The following SPATA13 variants were observed in gnomAD, a reference collection of about 807,000 sequenced individuals.
SPATA13 encodes the protein spermatogenesis-associated protein 13.
In SPATA13, 50 loss-of-function variants were observed where a neutral mutation model predicts 104.0. That is an observed-to-expected ratio of 0.48 (90% CI 0.38 to 0.61). The LOEUF (loss-of-function observed/expected upper bound fraction) is 0.61, where lower values mean the gene tolerates loss of function less well. SPATA13 is among the 20% of genes least tolerant of loss of function. The probability of loss-of-function intolerance (pLI) is 0.00; values close to 1 mark genes in which losing one functional copy is unlikely to be tolerated. For missense variants in SPATA13, 1,524 were observed against 1,690.6 expected (o/e 0.90, Z 1.73); for synonymous variants, 606 against 667.5 (o/e 0.91, Z 1.42).
intron 1 of SPATA13, among the ~76,000 whole-genome samples, chr13:24,217,069 C>T (rs1365911171): frequency 1.3e-5 from 2 of 151,666 alleles, no homozygotes; most frequent in Non-Finnish European, 1.5e-5. Flanking sequence ...AACAAACAAA[C>T]AAAAACAAAA....
At chr13:24,295,216 C>T (rs1333301460) in intron 10 of SPATA13, among the ~76,000 whole-genome samples, 1 of 152,012 alleles carries the variant, frequency 6.6e-6, no homozygotes, top group African/African-American at 2.4e-5. Context: ...GAGTCCCTGC[C>T]CACATGTGAA....
intron 2 of SPATA13, among the ~76,000 whole-genome samples, chr13:23,990,825 G>A (rs988564091): frequency 6.6e-6 from 1 of 152,210 alleles, no homozygotes; most frequent in Admixed American, 6.5e-5. Context: ...AGAACTAAAG[G>A]AGAATGCCTT....
chr13:24,131,746 TG>T (rs1210562236), intron 3 of SPATA13, among the ~76,000 whole-genome samples: 2 of 152,190 alleles, frequency 1.3e-5, no homozygotes, highest in Non-Finnish European at 2.9e-5. Flanking sequence ...ACAACCAATG[TG>T]GACCCTGGCT....
chr13:24,287,768 G>A (rs117183556), intron 7 of SPATA13, among the ~76,000 whole-genome samples: 5,340 of 152,318 alleles, frequency 0.035, 152 homozygotes, highest in Non-Finnish European at 0.05. Context: ...CAGAGAACTT[G>A]TCATTAGTAG....
chr13:24,014,268 A>G (rs185800426), intron 2 of SPATA13, among the ~76,000 whole-genome samples: 2 of 152,296 alleles, frequency 1.3e-5, no homozygotes, highest in African/African-American at 4.8e-5. Flanking sequence ...GACACAAGTC[A>G]TATTGGATTA....
chr13:24,052,119 C>G (rs1207178620), intron 3 of SPATA13, among the ~76,000 whole-genome samples: 1 of 152,074 alleles, frequency 6.6e-6, no homozygotes, highest in Non-Finnish European at 1.5e-5. Context: ...GGTCTCTGTG[C>G]TTAACGCAAT....
intron 1 of SPATA13, among the ~76,000 whole-genome samples, chr13:23,982,847 C>T (rs17079683): frequency 0.14 from 20,631 of 152,170 alleles, 1,772 homozygotes; most frequent in Admixed American, 0.26. Context: ...AAACCAGGTA[C>T]ACGTGTGAGC....
At chr13:24,239,806 A>C (rs1872747248) in intron 2 of SPATA13, among the ~76,000 whole-genome samples, 2 of 151,188 alleles carry the variant, frequency 1.3e-5, no homozygotes, top group South Asian at 4.2e-4. Context: ...AATAAGTTTA[A>C]TTTCCAAAGA....
chr13:24,123,552 T>C, intron 3 of SPATA13: 1 of 1,611,480 alleles, frequency 6.2e-7, no homozygotes, highest in Non-Finnish European at 8.5e-7. Context: ...AAGAATCTGG[T>C]AACAAAATCC....
At chr13:24,229,677 A>G (rs1426268423) in intron 2 of SPATA13, among the ~76,000 whole-genome samples, 1 of 152,214 alleles carries the variant, frequency 6.6e-6, no homozygotes, top group Non-Finnish European at 1.5e-5. Flanking sequence ...AAGTTCTTCA[A>G]ACAGTTAGTT....
intron 8 of SPATA13, among the ~76,000 whole-genome samples, 192 bp downstream of exon 8, chr13:24,289,370 G>A (rs1054461465): frequency 2.6e-5 from 4 of 152,072 alleles, no homozygotes; most frequent in African/African-American, 4.8e-5. Context: ...TTGTCTAAAT[G>A]TCCCAAATTC....
chr13:24,245,220 G>A (rs17080518), intron 2 of SPATA13, among the ~76,000 whole-genome samples: 24,084 of 151,470 alleles, frequency 0.16, 2,181 homozygotes, highest in African/African-American at 0.26. Flanking sequence ...AAGTAGAATC[G>A]CAACCAAACT....
intron 2 of SPATA13, among the ~76,000 whole-genome samples, chr13:24,242,659 T>G (rs939794572): frequency 6.6e-6 from 1 of 152,182 alleles, no homozygotes; most frequent in South Asian, 2.1e-4. Flanking sequence ...AATTTGAAAA[T>G]CTAAGATTTG....
chr13:24,236,226 A>G (rs1041126591), intron 2 of SPATA13, among the ~76,000 whole-genome samples: 3 of 152,236 alleles, frequency 2.0e-5, no homozygotes, highest in African/African-American at 7.2e-5. Flanking sequence ...GTAGAATTAA[A>G]TGCATCTACT....
intron 9 of SPATA13, among the ~76,000 whole-genome samples, chr13:24,291,749 T>TTTTTTTTATTTTTTTTTTTTTA (rs1555277158): frequency 1.3e-5 from 1 of 79,784 alleles, no homozygotes. Flanking sequence ...TATTTTTTTA[T>TTTTTTTTATTTTTTTTTTTTTA]TTTTTTATTT....
intron 1 of SPATA13, among the ~76,000 whole-genome samples, chr13:24,175,257 G>A (rs909922822): frequency 6.6e-6 from 1 of 151,926 alleles, no homozygotes; most frequent in African/African-American, 2.4e-5. Context: ...TTTTGTTGTT[G>A]TTGTTGTTTT....
At chr13:24,243,758 C>T (rs1872970457) in intron 2 of SPATA13, among the ~76,000 whole-genome samples, 1 of 152,176 alleles carries the variant, frequency 6.6e-6, no homozygotes, top group Non-Finnish European at 1.5e-5. Context: ...TGTATTCCTT[C>T]TCACCTTGAC....
intron 3 of SPATA13, among the ~76,000 whole-genome samples, chr13:24,100,620 T>C (rs746841815): frequency 2.6e-5 from 4 of 152,172 alleles, no homozygotes; most frequent in Non-Finnish European, 4.4e-5. Flanking sequence ...CTGAAGCCCA[T>C]AGAAGGAGGA....
At chr13:24,178,442 C>T (rs1868579903) in intron 1 of SPATA13, among the ~76,000 whole-genome samples, 1 of 152,102 alleles carries the variant, frequency 6.6e-6, no homozygotes, top group Non-Finnish European at 1.5e-5. Flanking sequence ...CTTATGACAT[C>T]ACTTGTATAC....
Sources: gnomAD v4.1 joint callset for allele counts (sites outside exome capture counted in the v4.1 genomes callset) on GRCh38, gnomAD v4.1.1 for gene constraint, MANE v1.5 for transcripts, NCBI Gene and HGNC (gene_info 2026-07-23, HGNC 2026-07-21) for gene names.